Variants in RNLS observed in about 807,000 individuals in gnomAD.
RNLS encodes the protein renalase, FAD dependent amine oxidase.
Under a neutral mutation model 39.8 loss-of-function variants are expected in RNLS, and 39 were observed. The observed-to-expected ratio is 0.98, with a 90% CI of 0.76 to 1.28. The LOEUF is 1.28. Ranked by LOEUF, RNLS falls within the 50% of genes most tolerant of loss-of-function variation. RNLS has a pLI of 0.00. For missense variants in RNLS, 410 were observed against 413.3 expected (o/e 0.99, Z 0.07); for synonymous variants, 147 against 150.7 (o/e 0.98, Z 0.18).
intron 4 of RNLS, among the ~76,000 whole-genome samples, chr10:88,442,645 C>T (rs2133855654): frequency 6.6e-6 from 1 of 152,188 alleles, no homozygotes; most frequent in East Asian, 1.9e-4. Flanking sequence ...CTCCTTGGCT[C>T]TCCTCCTTTC....
At chr10:88,549,222 T>A (rs1225258636) in intron 4 of RNLS, among the ~76,000 whole-genome samples, 2 of 152,120 alleles carry the variant, frequency 1.3e-5, no homozygotes, top group Non-Finnish European at 2.9e-5. Context: ...ATTTGCTTCC[T>A]ATTTTTAATT....
At chr10:88,205,045 G>A in the RNLS span, among the ~76,000 whole-genome samples, 1 of 152,152 alleles carries the variant, frequency 6.6e-6, no homozygotes, top group Admixed American at 6.6e-5. Flanking sequence ...CTCAAGCGCA[G>A]TTGAATTCTC....
At chr10:88,203,296 GTA>G in the RNLS span, among the ~76,000 whole-genome samples, 246 of 2,748 alleles carry the variant, frequency 0.09, 63 homozygotes, top group African/African-American at 0.13. Context: ...ATATACGTAT[GTA>G]TATATATATA....
chr10:88,288,012 C>A (rs1399035989), intron 6 of RNLS, among the ~76,000 whole-genome samples: 1 of 152,176 alleles, frequency 6.6e-6, no homozygotes, highest in Admixed American at 6.5e-5. Flanking sequence ...AATGGAGAGG[C>A]AAATAACTTT....
rs111379682 is a variant in RNLS at position 88,516,363 on chromosome 10, G to A, written c.526+56540C>T. Among the ~76,000 whole-genome samples, 112 of 152,114 alleles carry A rather than the reference G, an allele frequency of 7.4e-4. 1 individual carries two copies. Among genetic ancestry groups the A allele is most frequent in the African/African-American group, 2.6e-3 (106 of 41,508 alleles). ...CTTTATTTTCCATTCAGGACAAAGAGATAAAGCTGATTTTAAACTAAAACC... is the reference window on the plus strand; with the variant it reads ...CTTTATTTTCCATTCAGGACAAAGAAATAAAGCTGATTTTAAACTAAAACC... On this transcript the variant is annotated intron_variant, in intron 4 of 6. Transcript: ENST00000331772.
At chr10:88,422,710 T>A (rs6586132) in intron 4 of RNLS, among the ~76,000 whole-genome samples, 1 of 151,864 alleles carries the variant, frequency 6.6e-6, no homozygotes, top group Non-Finnish European at 1.5e-5. Flanking sequence ...ATTATTTTCT[T>A]TCTGTGTTGT....
At chr10:88,256,380 G>A in the RNLS span, among the ~76,000 whole-genome samples, 48 of 152,350 alleles carry the variant, frequency 3.2e-4, no homozygotes, top group South Asian at 9.3e-3. Context: ...CTCTGATGTA[G>A]CTGACAGATG....
chr10:88,178,962 T>C, the RNLS span, among the ~76,000 whole-genome samples: 4 of 152,150 alleles, frequency 2.6e-5, no homozygotes, highest in Non-Finnish European at 4.4e-5. Flanking sequence ...AGATCAACTG[T>C]GAGTCAAGTG....
intron 4 of RNLS, among the ~76,000 whole-genome samples, chr10:88,434,049 T>C (rs758434642): frequency 4.6e-5 from 7 of 152,158 alleles, no homozygotes; most frequent in Non-Finnish European, 1.0e-4. Flanking sequence ...TTCTGACTTG[T>C]TGAGGTTTTC....
chr10:88,249,956 G>T, the RNLS span, among the ~76,000 whole-genome samples: 1 of 152,102 alleles, frequency 6.6e-6, no homozygotes, highest in Non-Finnish European at 1.5e-5. Flanking sequence ...ATCATCCCTG[G>T]GTTACCAATC....
rs559230502 is a variant in RNLS, at chr10:88,409,298, G to T, written c.527-46573C>A. ...GGATACAAAATTGAGAAAAGAACAT[G>T]TGCAAGAACACACATCTAAAAGCGT... On this transcript the variant is annotated intron_variant, in intron 4 of 6. Transcript: ENST00000331772. Among the ~76,000 whole-genome samples the T allele has an allele frequency of 3.0e-5, 4 of 134,260 alleles. No homozygotes were observed. In the East Asian group the frequency reaches 7.9e-4, roughly 27 times the overall value. The allele number at this position is 134,260 out of a possible 152,430, so 88.1% of individuals were successfully genotyped here.
At chr10:88,542,064 C>A (rs1424727029) in intron 4 of RNLS, among the ~76,000 whole-genome samples, 1 of 152,104 alleles carries the variant, frequency 6.6e-6, no homozygotes, top group Non-Finnish European at 1.5e-5. Context: ...GAGCCCCTTT[C>A]CACTGAGTTT....
the RNLS span, among the ~76,000 whole-genome samples, chr10:88,240,600 C>A: frequency 6.6e-6 from 1 of 152,090 alleles, no homozygotes; most frequent in African/African-American, 2.4e-5. Context: ...CTTTTCTCTT[C>A]ATTACAACCT....
the RNLS span, among the ~76,000 whole-genome samples, chr10:88,227,046 C>T: frequency 1.3e-5 from 2 of 152,076 alleles, no homozygotes; most frequent in African/African-American, 4.8e-5. Context: ...ACAATCATGC[C>T]CATTCATTTA....
chr10:88,177,951 G>A, the RNLS span, among the ~76,000 whole-genome samples: 1 of 152,158 alleles, frequency 6.6e-6, no homozygotes, highest in Non-Finnish European at 1.5e-5. Flanking sequence ...AGCACATGTG[G>A]GCATGCAGCA....
intron 6 of RNLS, chr10:88,309,423 C>A (rs762515048): frequency 1.6e-6 from 2 of 1,289,594 alleles, no homozygotes; most frequent in Non-Finnish European, 2.0e-6. Flanking sequence ...TGTAAACGTA[C>A]GGGTGGTCTC....
the RNLS span, among the ~76,000 whole-genome samples, chr10:88,237,227 T>A: frequency 1.6e-5 from 1 of 62,588 alleles, no homozygotes; most frequent in African/African-American, 6.0e-5. Context: ...AGTCCCTCCC[T>A]CCCTCCCTCC....
intron 4 of RNLS, among the ~76,000 whole-genome samples, chr10:88,378,948 C>T (rs1235561469): frequency 1.3e-5 from 2 of 152,038 alleles, no homozygotes; most frequent in African/African-American, 4.8e-5. Flanking sequence ...ATACATAAAC[C>T]AGTAACATAG....
chr10:88,199,907 T>A, the RNLS span, among the ~76,000 whole-genome samples: 1 of 152,156 alleles, frequency 6.6e-6, no homozygotes, highest in Non-Finnish European at 1.5e-5. Context: ...GGCAGGAGGA[T>A]CCCTTCAGCC....
Sources: gnomAD v4.1 joint callset for allele counts (sites outside exome capture counted in the v4.1 genomes callset) on GRCh38, gnomAD v4.1.1 for gene constraint, MANE v1.5 for transcripts, NCBI Gene and HGNC (gene_info 2026-07-23, HGNC 2026-07-21) for gene names.